The following CHCHD3 variants were observed in gnomAD, a reference collection of about 807,000 sequenced individuals.
The protein encoded by CHCHD3 is coiled-coil-helix-coiled-coil-helix domain containing 3.
In CHCHD3, 20 loss-of-function variants were observed where a neutral mutation model predicts 38.2. The observed-to-expected ratio is 0.52, with a 90% CI of 0.37 to 0.76. The LOEUF (loss-of-function observed/expected upper bound fraction) is 0.76, where lower values mean the gene tolerates loss of function less well. CHCHD3 is among the 30% of genes least tolerant of loss of function. The pLI is 0.00. For synonymous variants in CHCHD3, 82 were observed against 100.0 expected, an observed-to-expected ratio of 0.82 and a Z score of 1.07; for missense variants, 245 against 279.2, an observed-to-expected ratio of 0.88 and a Z score of 0.87.
intron 4 of CHCHD3, among the ~76,000 whole-genome samples, chr7:132,935,417 A>T (rs903100235): frequency 6.6e-6 from 1 of 152,342 alleles, no homozygotes; most frequent in South Asian, 2.1e-4. Flanking sequence ...AACTTTAAGA[A>T]GGCAGAAAAC....
At chr7:133,036,104 G>C (rs1813667212) in intron 2 of CHCHD3, 1 of 640,268 alleles carries the variant, frequency 1.6e-6, no homozygotes, top group Non-Finnish European at 2.8e-6. Context: ...TCCTTTAGGG[G>C]AATTTTCTTA....
intron 4 of CHCHD3, among the ~76,000 whole-genome samples, chr7:132,917,315 T>C (rs776639011): frequency 7.9e-5 from 12 of 152,156 alleles, no homozygotes; most frequent in Admixed American, 1.3e-4. Flanking sequence ...ATTAATCCCA[T>C]ACTCAGACAT....
intron 4 of CHCHD3, among the ~76,000 whole-genome samples, chr7:132,943,992 T>C (rs987439320): frequency 2.0e-5 from 3 of 152,094 alleles, no homozygotes; most frequent in African/African-American, 7.2e-5. Context: ...ATAGAAACTT[T>C]CAAGAGAGAA....
chr7:132,926,608 T>C (rs1207742785), intron 4 of CHCHD3, among the ~76,000 whole-genome samples: 1 of 152,136 alleles, frequency 6.6e-6, no homozygotes, highest in Non-Finnish European at 1.5e-5. Context: ...TGATATATAG[T>C]CATCCCCTGG....
intron 5 of CHCHD3, among the ~76,000 whole-genome samples, chr7:132,848,318 T>C (rs949855508): frequency 6.6e-6 from 1 of 152,160 alleles, no homozygotes; most frequent in Non-Finnish European, 1.5e-5. Flanking sequence ...TTTGTTATAA[T>C]CCTCACCCAG....
intron 1 of CHCHD3, among the ~76,000 whole-genome samples, chr7:133,072,297 G>A (rs963799851): frequency 6.6e-6 from 1 of 151,570 alleles, no homozygotes; most frequent in African/African-American, 2.4e-5. Context: ...ATCCAGGGGA[G>A]AACACACTTA....
intron 2 of CHCHD3, among the ~76,000 whole-genome samples, chr7:133,068,690 A>C (rs1197032826): frequency 6.6e-6 from 1 of 152,226 alleles, no homozygotes; most frequent in Non-Finnish European, 1.5e-5. Flanking sequence ...AGACAGATGC[A>C]AAAGGAACAT....
chr7:132,909,797 G>A (rs915271102), intron 4 of CHCHD3, among the ~76,000 whole-genome samples: 1 of 152,050 alleles, frequency 6.6e-6, no homozygotes, highest in Non-Finnish European at 1.5e-5. Context: ...GCCATACCAG[G>A]CTCTATTGAC....
chr7:132,801,212 A>G (rs937190290), intron 6 of CHCHD3, among the ~76,000 whole-genome samples: 33 of 152,228 alleles, frequency 2.2e-4, no homozygotes, highest in African/African-American at 7.7e-4. Context: ...TCTGAAATGT[A>G]CTATATTAAC....
chr7:133,071,979 T>C (rs1421181235), intron 1 of CHCHD3, among the ~76,000 whole-genome samples: 1 of 152,070 alleles, frequency 6.6e-6, no homozygotes, highest in Admixed American at 6.6e-5. Context: ...AGAGATCTTA[T>C]TGGGGTGATA....
At chr7:132,972,793 G>C (rs1002173619) in intron 4 of CHCHD3, 3 of 985,258 alleles carry the variant, frequency 3.0e-6, no homozygotes, top group Non-Finnish European at 3.6e-6. Context: ...TGAAATACAG[G>C]AGTTGTGAGT....
At chr7:132,985,668 G>A (rs1361576990) in intron 3 of CHCHD3, among the ~76,000 whole-genome samples, 6 of 53,866 alleles carry the variant, frequency 1.1e-4, no homozygotes, top group East Asian at 1.1e-3. Context: ...CGCCCCATCC[G>A]GGAGGGAGGT....
intron 2 of CHCHD3, among the ~76,000 whole-genome samples, chr7:133,037,579 G>A (rs550976490): frequency 4.6e-5 from 7 of 152,276 alleles, no homozygotes; most frequent in African/African-American, 1.2e-4. Flanking sequence ...TTCGGAGGCT[G>A]AGGCAGGCGG....
At chr7:132,911,357 G>A (rs1350289382) in intron 4 of CHCHD3, among the ~76,000 whole-genome samples, 1 of 152,068 alleles carries the variant, frequency 6.6e-6, no homozygotes, top group Non-Finnish European at 1.5e-5. Flanking sequence ...TTCTCTTCAG[G>A]CACAGAGCAG....
At chr7:132,785,785 G>T in intron 7 of CHCHD3, 125 bp from the exon 8 acceptor site, 2 of 989,312 alleles carry the variant, frequency 2.0e-6, no homozygotes, top group Non-Finnish European at 3.2e-6. Flanking sequence ...AGAAAACAAG[G>T]CATATGCTTC....
chr7:132,796,192 A>G (rs1178796754), intron 7 of CHCHD3, among the ~76,000 whole-genome samples: 1 of 152,190 alleles, frequency 6.6e-6, no homozygotes, highest in African/African-American at 2.4e-5. Flanking sequence ...CAAGTGGAAA[A>G]AAGTATAATT....
At chr7:133,077,868 G>C (rs530787977) in intron 1 of CHCHD3, among the ~76,000 whole-genome samples, 1 of 141,912 alleles carries the variant, frequency 7.0e-6, no homozygotes, top group Non-Finnish European at 1.5e-5. Context: ...AAAGCTATCA[G>C]TTGCTAAGGA....
Position 133,070,176 on chromosome 7 carries a change from C to T in CHCHD3, c.135G>A (p.Lys45=), listed in dbSNP as rs758331694. 6.8e-6 allele frequency: 11 copies of T among 1,612,922 alleles called. No homozygotes were observed. In the South Asian group the frequency reaches 1.2e-4, roughly 18 times the overall value. ...CATAAGCACCAGAATACCGCTGAGACTTCGAACCAGATGGAGAGGATTCCT... is the reference window on the plus strand; with the variant it reads ...CATAAGCACCAGAATACCGCTGAGATTTCGAACCAGATGGAGAGGATTCCT... ...RMKESSPSGS[K]SQRYSGAYGA... Residue 45 remains lysine, a synonymous_variant, in exon 2 of 8, where the codon AAG becomes AAA. Transcript: ENST00000262570.
chr7:132,797,504 C>T (rs1390748127), intron 6 of CHCHD3, among the ~76,000 whole-genome samples: 1 of 152,192 alleles, frequency 6.6e-6, no homozygotes, highest in Non-Finnish European at 1.5e-5. Context: ...TACAATTTAG[C>T]AACCTACATT....
Sources: allele counts gnomAD v4.1 joint callset (sites outside exome capture counted in the v4.1 genomes callset), GRCh38; gene constraint gnomAD v4.1.1; transcripts MANE v1.5; gene names NCBI Gene and HGNC (gene_info 2026-07-23, HGNC 2026-07-21).